The following FAM149A variants were observed in gnomAD, a reference collection of about 807,000 sequenced individuals.
FAM149A encodes the protein family with sequence similarity 149 member A.
Under a neutral mutation model 78.2 loss-of-function variants are expected in FAM149A, and 71 were observed. The ratio of observed to expected loss-of-function variants is 0.91; its 90% CI spans 0.75 to 1.11. The LOEUF is 1.11. Ranked by LOEUF, FAM149A falls within the 50% of genes least tolerant of loss-of-function variation. FAM149A has a pLI of 0.00. For missense variants in FAM149A, 1,036 were observed against 971.0 expected (o/e 1.07, Z -0.89); for synonymous variants, 446 against 410.5 (o/e 1.09, Z -1.04).
chr4:186,105,142 C>T lies in FAM149A; in HGVS notation c.66C>T (p.Pro22=). Residue 22 remains proline (P), a synonymous_variant, in exon 1 of 14, where the codon CCC becomes CCT. Coordinates refer to ENST00000389354, the MANE Select transcript of FAM149A (RefSeq NM_001367768.3). The stretch of plus-strand genomic sequence containing the variant: ...AACTCTTCGAGACCTCGACGGCGCC[C>T]CCCGCAGGCCCCTCCTCCAGACCCT... The T allele has an allele frequency of 7.8e-7, 1 of 1,280,292 alleles. No individual in the cohort carries two copies. Among genetic ancestry groups the T allele is most frequent in the Non-Finnish European group, 1.0e-6 (1 of 984,942 alleles). The allele number at this position is 1,280,292 out of a possible 1,614,324, so 79.3% of individuals were successfully genotyped here.
chr4:186,118,021 C>T, intron 1 of FAM149A: 1 of 985,360 alleles, frequency 1.0e-6, no homozygotes, highest in Non-Finnish European at 1.2e-6. Flanking sequence ...CTCTGGGATA[C>T]ACACCTTGAG....
intron 1 of FAM149A, chr4:186,145,058 G>A: frequency 3.0e-6 from 3 of 984,032 alleles, no homozygotes; most frequent in Non-Finnish European, 3.6e-6. Flanking sequence ...CCCGAGCCTA[G>A]CGCGGAGCCT....
chr4:186,107,256 TGTTA>T (rs1311567559), intron 1 of FAM149A, among the ~76,000 whole-genome samples: 1 of 152,222 alleles, frequency 6.6e-6, no homozygotes, highest in Non-Finnish European at 1.5e-5. Context: ...GTGAAACTGG[TGTTA>T]GTTTCAATTC....
chr4:186,108,336 G>A (rs984179009), intron 1 of FAM149A, among the ~76,000 whole-genome samples: 1 of 151,632 alleles, frequency 6.6e-6, no homozygotes, highest in South Asian at 2.1e-4. Context: ...AGTTCTAAAG[G>A]AAAACCCTAT....
rs1561418909 is a variant in FAM149A, at chr4:186,166,967, G to C, written c.2011-1G>C. The C allele has an allele frequency of 6.2e-7, 1 of 1,613,026 alleles. No homozygotes were observed. Among genetic ancestry groups the C allele is most frequent in the Admixed American group, 1.7e-5 (1 of 59,930 alleles). ...ACAAGAACATACTATCCTTCATTTA[G>C]TACAGAGGAAGGCATCTACAAAACC... On this transcript the variant is annotated splice_acceptor_variant, in intron 11 of 13. Coordinates refer to ENST00000389354, the MANE Select transcript of FAM149A (RefSeq NM_001367768.3). LOFTEE classifies it high-confidence loss of function.
intron 8 of FAM149A, chr4:186,158,126 T>C (rs1579907868): frequency 7.7e-7 from 1 of 1,302,026 alleles, no homozygotes. Context: ...GTCCCTGTCT[T>C]GCTCCAGGAA....
chr4:186,130,314 T>TATATAA (rs141900902), intron 1 of FAM149A, among the ~76,000 whole-genome samples: 12,046 of 116,184 alleles, frequency 0.1, 916 homozygotes, highest in African/African-American at 0.12. Context: ...TATATATATA[T>TATATAA]AATCTATATC....
chr4:186,163,495 G>C lies in FAM149A; in HGVS notation c.1751G>C (p.Arg584Pro). Residue 584 changes from arginine (R) to proline (P), a missense_variant, in exon 10 of 14, where the codon CGG becomes CCG. By Grantham distance (103) the Arg-to-Pro change is moderately radical (BLOSUM62 -2). Coordinates refer to ENST00000389354, the MANE Select transcript of FAM149A (RefSeq NM_001367768.3). ...TCCTCCGCACCGCACAGACTGGGAC[G>C]GGCCTCAGACACTCATGGATTATCA... 6.2e-7 allele frequency: 1 copy of C among 1,614,112 alleles called. No homozygotes were observed.
rs574159076 is a variant in FAM149A, at chr4:186,152,206, C to T, written c.932+161C>T. On this transcript the variant is annotated intron_variant, in intron 4 of 13. Coordinates refer to ENST00000389354, the MANE Select transcript of FAM149A (RefSeq NM_001367768.3). Reference sequence around the variant, plus strand: ...CTGAGAGATCACTTTCCTCTTACGGCGTCTGAGGAAATACTGAGACATTCC... The same window carrying T: ...CTGAGAGATCACTTTCCTCTTACGGTGTCTGAGGAAATACTGAGACATTCC... Among the ~76,000 whole-genome samples, 5 of 152,310 alleles carry T rather than the reference C, an allele frequency of 3.3e-5. No homozygotes were observed. The South Asian group carries it at 1.0e-3, about 32-fold the overall frequency.
chr4:186,171,440 C>T (rs889221295), intron 13 of FAM149A, among the ~76,000 whole-genome samples: 1 of 152,164 alleles, frequency 6.6e-6, no homozygotes, highest in African/African-American at 2.4e-5. Context: ...CACATGACCT[C>T]CTTGCTACCT....
At chr4:186,121,495 T>C (rs2099316056) in intron 1 of FAM149A, among the ~76,000 whole-genome samples, 1 of 152,254 alleles carries the variant, frequency 6.6e-6, no homozygotes, top group African/African-American at 2.4e-5. Flanking sequence ...TTTTTAAAGA[T>C]GTATTAAAGT....
chr4:186,157,529 A>G (rs1734141655), intron 7 of FAM149A, 36 bp from the exon 8 acceptor site: 4 of 1,592,250 alleles, frequency 2.5e-6, no homozygotes, highest in Non-Finnish European at 3.4e-6. Context: ...AGATAATCTG[A>G]TGTTTCTTGT....
intron 5 of FAM149A, 152 bp from the exon 6 acceptor site, chr4:186,154,316 G>A: frequency 1.7e-6 from 1 of 585,908 alleles, no homozygotes. Context: ...GTGTTTTTAA[G>A]GACGTGAGTT....
intron 1 of FAM149A, among the ~76,000 whole-genome samples, chr4:186,145,473 C>T (rs1186351126): frequency 1.3e-5 from 2 of 152,156 alleles, no homozygotes; most frequent in African/African-American, 4.8e-5. Context: ...GTCCTGTCAA[C>T]TAGGAATAGA....
intron 13 of FAM149A, among the ~76,000 whole-genome samples, chr4:186,170,315 T>C (rs1482367503): frequency 6.6e-6 from 1 of 152,224 alleles, no homozygotes; most frequent in East Asian, 1.9e-4. Flanking sequence ...TCAGCTTCCA[T>C]ACCTGTAAAA....
In FAM149A at chr4:186,144,722, G is replaced by GAGGGGC. The variant is rs1732839603; in HGVS notation, c.567-4451_567-4450insAGGGGC. ...AAGGCGCGCTTTCCCGGAGGTCGGC[G>GAGGGGC]CGGGGCCGGGGCCGGGGCCGGGGCC... On this transcript the variant is annotated intron_variant, in intron 1 of 13. Transcript: ENST00000389354. The surrounding 1 kb of genome is among the most constrained non-coding windows in gnomAD (Gnocchi z 4.2). The GAGGGGC allele has an allele frequency of 6.3e-6, 4 of 637,576 alleles. No homozygotes were observed. The highest frequency in any genetic ancestry group is 7.8e-6 in the Non-Finnish European group (4 of 512,436). 39.5% of individuals were successfully genotyped at this position (637,576 alleles called of 1,614,324 possible). A position where few individuals can be genotyped will look rare whatever the true frequency, so the allele number is the denominator to read the frequency against.
intron 11 of FAM149A, among the ~76,000 whole-genome samples, chr4:186,166,765 T>A (rs1330357914): frequency 6.6e-6 from 1 of 151,418 alleles, no homozygotes; most frequent in African/African-American, 2.4e-5. Flanking sequence ...ATTATGACAC[T>A]ATAATTTTAT....
chr4:186,116,772 TTA>T (rs1264270033), intron 1 of FAM149A: 3 of 981,560 alleles, frequency 3.1e-6, no homozygotes, highest in Admixed American at 6.2e-5. Flanking sequence ...GAGTTAGCAG[TTA>T]TATGTTTTTT....
rs146147580 is a variant in FAM149A at position 186,172,841 on chromosome 4, AGT to A, written c.*859_*860del. Among the ~76,000 whole-genome samples, 1,882 of 110,702 alleles carry A rather than the reference AGT, an allele frequency of 0.017. 423 individuals are homozygous for A. The highest frequency in any genetic ancestry group is 0.05 in the African/African-American group (1,765 of 35,220). 72.6% of individuals were successfully genotyped at this position (110,702 alleles called of 152,430 possible). A position where few individuals can be genotyped will look rare whatever the true frequency, so the allele number is the denominator to read the frequency against. On this transcript the variant is annotated 3_prime_UTR_variant, in exon 14 of 14. Coordinates refer to ENST00000389354, the MANE Select transcript of FAM149A (RefSeq NM_001367768.3). ...CCTGCTCTGCCTGGCTTTTCTTCAGAGTGTGTTTCCCCATCTGACATTACTGT... is the reference window on the plus strand; with the variant it reads ...CCTGCTCTGCCTGGCTTTTCTTCAGAGTGTTTCCCCATCTGACATTACTGT...
Sources: allele counts gnomAD v4.1 joint callset (sites outside exome capture counted in the v4.1 genomes callset), GRCh38; gene constraint gnomAD v4.1.1; non-coding constraint Gnocchi (gnomAD v3.1); transcripts MANE v1.5; gene names NCBI Gene and HGNC (gene_info 2026-07-23, HGNC 2026-07-21).